ZFP14: variants seen among roughly 807,000 people sequenced by gnomAD.
ZFP14 encodes ZFP14 zinc finger protein, also known as zinc finger protein 14 homolog.
ZFP14 carries 22 observed loss-of-function variants against 54.5 expected under a neutral mutation model. The ratio of observed to expected loss-of-function variants is 0.40; its 90% confidence interval spans 0.29 to 0.58. The LOEUF (loss-of-function observed/expected upper bound fraction) is 0.58, where lower values mean the gene tolerates loss of function less well. ZFP14 is among the 20% of genes least tolerant of loss of function. The pLI, the probability that ZFP14 is intolerant of heterozygous loss-of-function variation, is 0.39. For missense variants in ZFP14, 470 were observed against 637.8 expected (o/e 0.74, Z 2.83); for synonymous variants, 159 against 204.0 (o/e 0.78, Z 1.88).
intron 3 of ZFP14, 84 bp from the exon 4 acceptor site, chr19:36,360,617 G>T: frequency 1.7e-6 from 2 of 1,210,016 alleles, no homozygotes; most frequent in Non-Finnish European, 2.3e-6. Flanking sequence ...ATTAACTACA[G>T]ATCAATATGG....
chr19:36,362,369 G>A (rs897509331), intron 2 of ZFP14, 131 bp from the exon 3 acceptor site: 4 of 912,014 alleles, frequency 4.4e-6, no homozygotes, highest in Non-Finnish European at 6.3e-6. Flanking sequence ...CTGAAAACTT[G>A]TGACATGAGT....
At position 36,362,087 on chromosome 19, in the gene ZFP14, T is replaced by C. The variant is rs773796791; in HGVS notation, c.136+25A>G. 4.4e-6 allele frequency: 7 copies of C among 1,574,934 alleles called. No homozygotes were observed. In the Admixed American group the frequency reaches 1.2e-4, roughly 27 times the overall value. On this transcript the variant is annotated intron_variant, in intron 3 of 4. Coordinates refer to ENST00000270001, the MANE Select transcript of ZFP14 (RefSeq NM_020917.3). Reference sequence around the variant, plus strand: ...TGAAATTGACAGCAGAGAAAGCTAATATCATTTGGGATAAATAACCTTACC... The same window carrying C: ...TGAAATTGACAGCAGAGAAAGCTAACATCATTTGGGATAAATAACCTTACC...
At chr19:36,376,008 A>G (rs1231222720) in intron 1 of ZFP14, among the ~76,000 whole-genome samples, 1 of 151,810 alleles carries the variant, frequency 6.6e-6, no homozygotes, top group Non-Finnish European at 1.5e-5. Flanking sequence ...TTTTTTTTTA[A>G]GTATGCATAA....
At chr19:36,375,246 A>G (rs1458943169) in intron 1 of ZFP14, among the ~76,000 whole-genome samples, 1 of 152,208 alleles carries the variant, frequency 6.6e-6, no homozygotes, top group Non-Finnish European at 1.5e-5. Context: ...TGTAAGGCAT[A>G]CATCTGTATG....
At chr19:36,345,021 G>A (rs554628982) in intron 4 of ZFP14, among the ~76,000 whole-genome samples, 64 of 152,182 alleles carry the variant, frequency 4.2e-4, no homozygotes, top group Non-Finnish European at 8.1e-4. Context: ...CCAGCACTTT[G>A]GGAGGCCGAG....
Position 36,340,843 on chromosome 19 carries a change from C to T in ZFP14, c.983G>A (p.Arg328Lys), listed in dbSNP as rs764795789. 6.2e-7 allele frequency: 1 copy of T among 1,613,158 alleles called. No homozygotes were observed. Residue 328 changes from arginine (R) to lysine (K), a missense_variant, in exon 5 of 5, where the codon AGA becomes AAA. By Grantham distance (26) the Arg-to-Lys change is conservative (BLOSUM62 2). Transcript: ENST00000270001. This position sits in a 1 kb window ranked among gnomAD's most constrained non-coding sequence, Gnocchi z 5.4. ...GKAFVCGPDL[R>K]VHQKIHFGEK... ...ACCAAAATGAATTTTCTGATGTACT[C>T]TAAGGTCTGGACCACATACGAAGGC...
intron 4 of ZFP14, among the ~76,000 whole-genome samples, chr19:36,348,400 C>A (rs2145544860): frequency 6.6e-6 from 1 of 152,274 alleles, no homozygotes; most frequent in East Asian, 1.9e-4. Context: ...TTCATGAGAT[C>A]AGAATGCCCA....
rs1484352274 is a variant in ZFP14 at position 36,334,850 on chromosome 19, A to T, written c.*5374T>A. 1.3e-5 allele frequency: 2 copies of T among 151,914 alleles called. No homozygotes were observed. The highest frequency in any genetic ancestry group is 2.9e-5 in the Non-Finnish European group (2 of 68,022). The allele number at this position is 151,914 out of a possible 1,614,324, so 9.4% of individuals were successfully genotyped here. ...AATCTTTGGCAAACTGATCATGTAT[A>T]CTTTGAATTCCTCAAAAGTAGATTT... On this transcript the variant is annotated 3_prime_UTR_variant, in exon 5 of 5. Coordinates refer to ENST00000270001, the MANE Select transcript of ZFP14 (RefSeq NM_020917.3).
intron 4 of ZFP14, among the ~76,000 whole-genome samples, chr19:36,344,732 C>T (rs973243134): frequency 6.6e-5 from 10 of 152,080 alleles, no homozygotes; most frequent in East Asian, 1.9e-4. Context: ...ACTGTGTATG[C>T]GAGGGATCTA....
chr19:36,349,007 C>T (rs536774737), intron 4 of ZFP14, among the ~76,000 whole-genome samples: 146 of 151,550 alleles, frequency 9.6e-4, no homozygotes, highest in African/African-American at 3.3e-3. Context: ...GTGGGCAGAT[C>T]GCCTGAGGTC....
intron 1 of ZFP14, chr19:36,378,059 G>A (rs1466009913): frequency 1.3e-5 from 2 of 152,210 alleles, no homozygotes; most frequent in Non-Finnish European, 2.9e-5. Context: ...TGGCAGAAAG[G>A]GAGAAAATTC....
intron 4 of ZFP14, among the ~76,000 whole-genome samples, chr19:36,350,117 T>A: frequency 1.5e-5 from 2 of 132,512 alleles, no homozygotes; most frequent in African/African-American, 2.8e-5. Flanking sequence ...CCACACTCTG[T>A]CTCAAAAAAA....
At chr19:36,357,412 G>A (rs751434423) in intron 4 of ZFP14, among the ~76,000 whole-genome samples, 9 of 152,062 alleles carry the variant, frequency 5.9e-5, no homozygotes, top group Non-Finnish European at 1.2e-4. Context: ...TCATAAGTTG[G>A]GACACTCATC....
chr19:36,360,352 T>C (rs1169827759), intron 4 of ZFP14, 83 bp downstream of exon 4: 1 of 1,249,072 alleles, frequency 8.0e-7, no homozygotes, highest in African/African-American at 1.5e-5. Context: ...GACCCCAACA[T>C]CTCAAGGGTG....
At chr19:36,352,793 T>C (rs2031549186) in intron 4 of ZFP14, among the ~76,000 whole-genome samples, 1 of 141,664 alleles carries the variant, frequency 7.1e-6, no homozygotes, top group Non-Finnish European at 1.6e-5. Context: ...TATAAAAAAT[T>C]AGCCGGGCGT....
At chr19:36,377,287 C>T (rs185854354) in intron 1 of ZFP14, among the ~76,000 whole-genome samples, 4 of 152,124 alleles carry the variant, frequency 2.6e-5, no homozygotes, top group Non-Finnish European at 5.9e-5. Flanking sequence ...TGGTGGCTCA[C>T]GCCTGTAATC....
rs1015872601 is a variant in ZFP14, at chr19:36,334,575, T to A, written c.*5649A>T. The stretch of plus-strand genomic sequence containing the variant: ...AAGGATCGGGCTGGAATCTTTTCCA[T>A]TCTATAGAAAAGCACTAACCATCCA... On this transcript the variant is annotated 3_prime_UTR_variant, in exon 5 of 5. Transcript: ENST00000270001. 6.6e-6 allele frequency: 1 copy of A among 152,206 alleles called. No homozygotes were observed. The highest frequency in any genetic ancestry group is 1.5e-5 in the Non-Finnish European group (1 of 68,026). 9.4% of individuals were successfully genotyped at this position (152,206 alleles called of 1,614,324 possible). A position where few individuals can be genotyped will look rare whatever the true frequency, so the allele number is the denominator to read the frequency against.
In ZFP14 at chr19:36,349,676, A is replaced by AT. The variant is rs1555754709; in HGVS notation, c.236-8087_236-8086insA. The stretch of plus-strand genomic sequence containing the variant: ...AGCAAGACTCTGTCTCAAAACAAAA[A>AT]AAAAATATATATATATATAATATAT... On this transcript the variant is annotated intron_variant, in intron 4 of 4. Coordinates refer to ENST00000270001, the MANE Select transcript of ZFP14 (RefSeq NM_020917.3). Among the ~76,000 whole-genome samples the AT allele has an allele frequency of 2.3e-5, 3 of 131,706 alleles. No individual in the cohort carries two copies. In the East Asian group the frequency reaches 6.2e-4, roughly 27 times the overall value. The allele number at this position is 131,706 out of a possible 152,430, so 86.4% of individuals were successfully genotyped here. A position where few individuals can be genotyped will look rare whatever the true frequency, so the allele number is the denominator to read the frequency against.
chr19:36,341,657 A>G lies in ZFP14; in HGVS notation c.236-67T>C, dbSNP rs1376347044. On this transcript the variant is annotated intron_variant, in intron 4 of 4. Transcript: ENST00000270001. The surrounding 1 kb of genome is among the most constrained non-coding windows in gnomAD (Gnocchi z 4.2). ...TCCAGAAAGAAAAAACAAACAAACA[A>G]AAAAACCACTTCTATAGAGAAAAGG... 8.3e-6 allele frequency: 12 copies of G among 1,443,390 alleles called. No individual in the cohort carries two copies. Among genetic ancestry groups the G allele is most frequent in the Non-Finnish European group, 9.2e-6 (10 of 1,091,578 alleles). The allele number at this position is 1,443,390 out of a possible 1,614,324, so 89.4% of individuals were successfully genotyped here. A position where few individuals can be genotyped will look rare whatever the true frequency, so the allele number is the denominator to read the frequency against.
Sources: gnomAD v4.1 joint callset for allele counts (sites outside exome capture counted in the v4.1 genomes callset) on GRCh38, gnomAD v4.1.1 for gene constraint, Gnocchi (gnomAD v3.1) non-coding constraint, MANE v1.5 for transcripts, NCBI Gene and HGNC (gene_info 2026-07-23, HGNC 2026-07-21) for gene names.